PDE4B: variants seen among roughly 807,000 people sequenced by gnomAD.
PDE4B encodes the protein phosphodiesterase 4B, also known as 3',5'-cyclic-AMP phosphodiesterase 4B.
A neutral mutation model predicts 82.2 loss-of-function variants in PDE4B; 20 were observed. The ratio of observed to expected loss-of-function variants is 0.24; its 90% CI spans 0.17 to 0.35. The LOEUF is 0.35. Ranked by LOEUF, PDE4B falls within the 10% of genes least tolerant of loss-of-function variation. The probability of loss-of-function intolerance (pLI) is 1.00; values close to 1 mark genes in which losing one functional copy is unlikely to be tolerated. For synonymous variants in PDE4B, 320 were observed against 318.9 expected (o/e 1.00, Z -0.04); for missense variants, 655 against 907.2 (o/e 0.72, Z 3.57).
At chr1:65,817,488 T>C (rs1645900275) in intron 1 of PDE4B, among the ~76,000 whole-genome samples, 1 of 152,224 alleles carries the variant, frequency 6.6e-6, no homozygotes, top group African/African-American at 2.4e-5. Flanking sequence ...AACTCACTGC[T>C]GTGTACACAT....
At chr1:66,253,597 A>T (rs1192801818) in intron 4 of PDE4B, among the ~76,000 whole-genome samples, 1 of 152,234 alleles carries the variant, frequency 6.6e-6, no homozygotes, top group Admixed American at 6.5e-5. Flanking sequence ...TAAGAAGTGT[A>T]TCAGTTTTCA....
Position 66,151,145 on chromosome 1 carries a change from C to T in PDE4B, c.282-96315C>T, listed in dbSNP as rs373307728. ...TCTTTAAATGTTGGATATAATTCACCAGTAAAGCCATGTGGGTTTGAACTT... is the reference window on the plus strand; with the variant it reads ...TCTTTAAATGTTGGATATAATTCACTAGTAAAGCCATGTGGGTTTGAACTT... On this transcript the variant is annotated intron_variant, in intron 3 of 16. Transcript: ENST00000341517. 1.9e-3 allele frequency among the ~76,000 whole-genome samples: 293 copies of T among 152,180 alleles called. 7 individuals carry two copies. In the South Asian group the frequency reaches 0.057, roughly 30 times the overall value.
At chr1:65,981,515 G>C (rs1321432603) in intron 3 of PDE4B, among the ~76,000 whole-genome samples, 1 of 148,520 alleles carries the variant, frequency 6.7e-6, no homozygotes, top group Non-Finnish European at 1.5e-5. Flanking sequence ...TTGTATTTAT[G>C]TGTATATAAA....
At chr1:65,816,661 A>G (rs529236077) in intron 1 of PDE4B, among the ~76,000 whole-genome samples, 3 of 152,334 alleles carry the variant, frequency 2.0e-5, no homozygotes, top group South Asian at 4.1e-4. Flanking sequence ...CAGCCTTATT[A>G]TCTAATATGG....
intron 3 of PDE4B, among the ~76,000 whole-genome samples, chr1:65,996,146 T>A (rs1231240200): frequency 6.6e-6 from 1 of 152,182 alleles, no homozygotes; most frequent in Non-Finnish European, 1.5e-5. Flanking sequence ...GGAATTTGGA[T>A]GATTATCTCA....
chr1:66,354,838 C>T, intron 8 of PDE4B: 1 of 1,535,642 alleles, frequency 6.5e-7, no homozygotes, highest in East Asian at 2.4e-5. Flanking sequence ...GCAAGGAGAG[C>T]ATTCCAAAAT....
chr1:66,118,940 G>A (rs142661317), intron 3 of PDE4B, among the ~76,000 whole-genome samples: 1 of 151,772 alleles, frequency 6.6e-6, no homozygotes. Flanking sequence ...AGCCTTCCTG[G>A]ATTCTCACAG....
intron 10 of PDE4B, 59 bp downstream of exon 10, chr1:66,361,852 C>G: frequency 7.5e-7 from 1 of 1,328,882 alleles, no homozygotes; most frequent in Admixed American, 2.2e-5. Flanking sequence ...GACGGATGAC[C>G]GTATACCTTT....
At chr1:66,188,874 A>G (rs925966544) in intron 3 of PDE4B, among the ~76,000 whole-genome samples, 1 of 152,206 alleles carries the variant, frequency 6.6e-6, no homozygotes, top group Non-Finnish European at 1.5e-5. Context: ...TGATCCTGTC[A>G]TTATGATGTT....
chr1:66,326,709 A>G (rs1274661533), intron 7 of PDE4B, among the ~76,000 whole-genome samples: 1 of 152,220 alleles, frequency 6.6e-6, no homozygotes, highest in Non-Finnish European at 1.5e-5. Flanking sequence ...GTGACTTGAC[A>G]GATAAGTTTC....
At chr1:66,046,489 C>T (rs1308193203) in intron 3 of PDE4B, among the ~76,000 whole-genome samples, 3 of 151,708 alleles carry the variant, frequency 2.0e-5, no homozygotes, top group Non-Finnish European at 4.4e-5. Context: ...TCTAATATCT[C>T]CCAACGTGAA....
chr1:66,195,096 T>C (rs1222041632), intron 3 of PDE4B, among the ~76,000 whole-genome samples: 1 of 152,158 alleles, frequency 6.6e-6, no homozygotes, highest in African/African-American at 2.4e-5. Flanking sequence ...TTTCCTAAAA[T>C]TAATAATCAG....
intron 3 of PDE4B, among the ~76,000 whole-genome samples, chr1:66,129,874 A>C (rs1645904687): frequency 6.6e-6 from 1 of 152,146 alleles, no homozygotes; most frequent in African/African-American, 2.4e-5. Flanking sequence ...AATTCAGGAG[A>C]TGTATTACAT....
intron 3 of PDE4B, among the ~76,000 whole-genome samples, chr1:66,143,633 T>A (rs961696934): frequency 6.6e-6 from 1 of 152,228 alleles, no homozygotes; most frequent in African/African-American, 2.4e-5. Flanking sequence ...AAAGCCAATG[T>A]GCTTAACATA....
intron 1 of PDE4B, among the ~76,000 whole-genome samples, chr1:65,798,505 G>A (rs1645658296): frequency 1.8e-5 from 1 of 55,138 alleles, no homozygotes. Flanking sequence ...TGATCCACCC[G>A]CCTCGGCCTC....
intron 3 of PDE4B, among the ~76,000 whole-genome samples, chr1:66,164,118 G>A (rs994215818): frequency 3.9e-5 from 6 of 152,148 alleles, no homozygotes; most frequent in Non-Finnish European, 4.4e-5. Context: ...AACAAGACAT[G>A]CTTTAGTAGA....
intron 1 of PDE4B, among the ~76,000 whole-genome samples, chr1:65,799,018 G>A (rs996342676): frequency 1.8e-4 from 28 of 152,072 alleles, no homozygotes; most frequent in African/African-American, 6.8e-4. Context: ...TTTAACCTTA[G>A]AGAAAGTAAA....
chr1:65,966,037 G>T (rs7554756), intron 3 of PDE4B, among the ~76,000 whole-genome samples: 8,385 of 152,194 alleles, frequency 0.055, 297 homozygotes, highest in Middle Eastern at 0.18. Flanking sequence ...AGTATTGGAA[G>T]TTCTGGCCAG....
At chr1:66,040,003 C>T (rs555493171) in intron 3 of PDE4B, among the ~76,000 whole-genome samples, 156 of 151,966 alleles carry the variant, frequency 1.0e-3, no homozygotes, top group African/African-American at 3.1e-3. Flanking sequence ...AGGAAGGAGC[C>T]GGGATTCTTC....
Sources: allele counts gnomAD v4.1 joint callset (sites outside exome capture counted in the v4.1 genomes callset), GRCh38; gene constraint gnomAD v4.1.1; transcripts MANE v1.5; gene names NCBI Gene and HGNC (gene_info 2026-07-23, HGNC 2026-07-21).